DERL1: variants seen among roughly 807,000 people sequenced by gnomAD.
The protein encoded by DERL1 is derlin-1.
DERL1 carries 24 observed loss-of-function variants against 41.6 expected under a neutral mutation model. That is an observed-to-expected ratio of 0.58 (90% CI 0.42 to 0.81). The LOEUF is 0.81. Among genes scored for constraint, DERL1 ranks in the 30% least tolerant of loss-of-function variants. The probability of loss-of-function intolerance (pLI) is 0.00; values close to 1 mark genes in which losing one functional copy is unlikely to be tolerated. For synonymous variants in DERL1, 124 were observed against 112.5 expected (o/e 1.10, Z -0.65); for missense variants, 260 against 314.3 (o/e 0.83, Z 1.31).
At chr8:123,036,404 C>T (rs1265857752) in intron 1 of DERL1, among the ~76,000 whole-genome samples, 1 of 152,170 alleles carries the variant, frequency 6.6e-6, no homozygotes, top group Non-Finnish European at 1.5e-5. Flanking sequence ...AGCATAAAAA[C>T]TGGCAACAAC....
Position 123,019,119 on chromosome 8 carries a change from C to T in DERL1, c.617+76G>A, listed in dbSNP as rs542154133. 134 of 1,026,260 alleles carry T rather than the reference C, an allele frequency of 1.3e-4. 1 individual carries two copies. The South Asian group carries it at 1.7e-3, about 13-fold the overall frequency. The allele number at this position is 1,026,260 out of a possible 1,614,324, so 63.6% of individuals were successfully genotyped here. ...TGGGGCATAGGGGTAAATCATACTC[C>T]TCATGGAGCTCTCATTAGGATGCAC... On this transcript the variant is annotated intron_variant, in intron 7 of 7. Coordinates refer to ENST00000259512, the MANE Select transcript of DERL1 (RefSeq NM_024295.6).
chr8:123,023,554 CATAA>C (rs199697709), intron 4 of DERL1, among the ~76,000 whole-genome samples, 155 bp downstream of exon 4: 7 of 151,768 alleles, frequency 4.6e-5, no homozygotes, highest in Non-Finnish European at 8.8e-5. Flanking sequence ...GACTCCATCT[CATAA>C]ATAAATAAAT....
intron 3 of DERL1, among the ~76,000 whole-genome samples, chr8:123,024,701 T>C (rs766948703): frequency 6.6e-6 from 1 of 152,106 alleles, no homozygotes; most frequent in Non-Finnish European, 1.5e-5. Flanking sequence ...GTCAACAAGC[T>C]GTCACACATG....
chr8:123,034,619 G>A (rs773691822), intron 1 of DERL1, among the ~76,000 whole-genome samples: 4 of 152,196 alleles, frequency 2.6e-5, no homozygotes, highest in African/African-American at 9.7e-5. Context: ...TGACTCCAGA[G>A]TTTGTGATAC....
Position 123,027,316 on chromosome 8 carries a change from AAAAT to A in DERL1, c.266-2270_266-2267del, listed in dbSNP as rs1233556055. Among the ~76,000 whole-genome samples the A allele has an allele frequency of 3.1e-4, 46 of 146,880 alleles. 2 individuals carry two copies. Among genetic ancestry groups the A allele is most frequent in the African/African-American group, 9.8e-4 (39 of 39,836 alleles). On this transcript the variant is annotated intron_variant, in intron 2 of 7. Coordinates refer to ENST00000259512, the MANE Select transcript of DERL1 (RefSeq NM_024295.6). ...CTCAAAAAAAAAAAAAAAAAAAAAA[AAAAT>A]TTAGTGGTCTCCTAAGGGTGTGGGG...
chr8:123,036,806 C>A (rs1812939437), intron 1 of DERL1, among the ~76,000 whole-genome samples: 1 of 152,150 alleles, frequency 6.6e-6, no homozygotes, highest in South Asian at 2.1e-4. Context: ...CTCCTCCCTG[C>A]TATGTTGAAA....
chr8:123,030,442 TAAGC>T (rs1812797653), intron 2 of DERL1, 159 bp downstream of exon 2: 1 of 526,770 alleles, frequency 1.9e-6, no homozygotes, highest in Non-Finnish European at 3.3e-6. Flanking sequence ...AAAAATTGAG[TAAGC>T]TAAGTGCCTG....
chr8:123,040,351 G>C (rs1419520278), intron 1 of DERL1, among the ~76,000 whole-genome samples: 3 of 152,220 alleles, frequency 2.0e-5, no homozygotes, highest in Non-Finnish European at 2.9e-5. Context: ...ATCTGAAGAA[G>C]GTTAGGAGGT....
intron 4 of DERL1, among the ~76,000 whole-genome samples, chr8:123,023,371 A>C (rs193001028): frequency 1.3e-5 from 2 of 152,106 alleles, no homozygotes; most frequent in Non-Finnish European, 2.9e-5. Context: ...GCCTGGTGAC[A>C]TGGTGAAACC....
chr8:123,015,892 C>T (rs1814557125), intron 7 of DERL1: 1 of 213,146 alleles, frequency 4.7e-6, no homozygotes, highest in South Asian at 1.6e-4. Flanking sequence ...AAAAATATTA[C>T]ACCCACAAGC....
At chr8:123,034,121 C>T (rs1221954160) in intron 1 of DERL1, among the ~76,000 whole-genome samples, 1 of 152,198 alleles carries the variant, frequency 6.6e-6, no homozygotes, top group Non-Finnish European at 1.5e-5. Context: ...ATGGGTACTG[C>T]TAACAATTCA....
intron 4 of DERL1, among the ~76,000 whole-genome samples, chr8:123,023,214 T>A (rs1247664191): frequency 6.6e-6 from 1 of 152,154 alleles, no homozygotes; most frequent in Non-Finnish European, 1.5e-5. Context: ...ATGATTTAGA[T>A]AGCTCATGTA....
intron 1 of DERL1, among the ~76,000 whole-genome samples, chr8:123,031,883 T>C (rs566574443): frequency 3.1e-4 from 47 of 152,182 alleles, no homozygotes; most frequent in Non-Finnish European, 5.7e-4. Context: ...TGTCAATAAA[T>C]CTGCTAGAGC....
Position 123,013,234 on chromosome 8 carries a change from CA to C in DERL1, c.*2212del, listed in dbSNP as rs1814460380. On this transcript the variant is annotated 3_prime_UTR_variant, in exon 8 of 8. Transcript: ENST00000259512. ...ATTCTGCATCCAGGAATTAATCCAG[CA>C]AAAAATACTGGGTACTTCCTAAATG... 1 of 152,006 alleles carries C rather than the reference CA, an allele frequency of 6.6e-6. No individual in the cohort carries two copies. Among genetic ancestry groups the C allele is most frequent in the South Asian group, 2.1e-4 (1 of 4,832 alleles). 9.4% of individuals were successfully genotyped at this position (152,006 alleles called of 1,614,324 possible). A position where few individuals can be genotyped will look rare whatever the true frequency, so the allele number is the denominator to read the frequency against.
chr8:123,032,191 G>C (rs955079425), intron 1 of DERL1, among the ~76,000 whole-genome samples: 1 of 147,560 alleles, frequency 6.8e-6, no homozygotes, highest in Non-Finnish European at 1.5e-5. Context: ...CTGGAGTGCA[G>C]TGGCATGATC....
chr8:123,034,634 C>T (rs187343117), intron 1 of DERL1, among the ~76,000 whole-genome samples: 80 of 152,274 alleles, frequency 5.3e-4, no homozygotes, highest in African/African-American at 1.9e-3. Context: ...TGATACTAAG[C>T]CCCTATTTTT....
At chr8:123,027,303 A>G (rs1383807555) in intron 2 of DERL1, among the ~76,000 whole-genome samples, 1 of 142,896 alleles carries the variant, frequency 7.0e-6, no homozygotes, top group African/African-American at 2.6e-5. Flanking sequence ...CAAAAAAAAA[A>G]AAAAAAAAAA....
chr8:123,039,159 C>G (rs565967389), intron 1 of DERL1, among the ~76,000 whole-genome samples: 1 of 152,198 alleles, frequency 6.6e-6, no homozygotes, highest in Non-Finnish European at 1.5e-5. Flanking sequence ...CACAGCCACA[C>G]TGATCCAAAC....
Position 123,022,842 on chromosome 8 carries a change from A to T in DERL1, c.358-63T>A, listed in dbSNP as rs932126117. 8 of 1,393,824 alleles carry T rather than the reference A, an allele frequency of 5.7e-6. No homozygotes were observed. The African/African-American group carries it at 9.9e-5, about 17-fold the overall frequency. 86.3% of individuals were successfully genotyped at this position (1,393,824 alleles called of 1,614,324 possible). A position where few individuals can be genotyped will look rare whatever the true frequency, so the allele number is the denominator to read the frequency against. On this transcript the variant is annotated intron_variant, in intron 4 of 7. Transcript: ENST00000259512. ...AGGCACTTAAAAAAGGTGTACATCT[A>T]CTATGCTTTTTACCCCTCCTCTTCA...
Sources: allele counts gnomAD v4.1 joint callset (sites outside exome capture counted in the v4.1 genomes callset), GRCh38; gene constraint gnomAD v4.1.1; transcripts MANE v1.5; gene names NCBI Gene and HGNC (gene_info 2026-07-23, HGNC 2026-07-21).